HMCN1: variants seen among roughly 807,000 people sequenced by gnomAD.
HMCN1 encodes hemicentin-1.
A neutral mutation model predicts 625.9 loss-of-function variants in HMCN1; 321 were observed. The ratio of observed to expected loss-of-function variants is 0.51; its 90% CI spans 0.47 to 0.56. HMCN1 has a LOEUF of 0.56. Ranked by LOEUF, HMCN1 falls within the 20% of genes least tolerant of loss-of-function variation. The pLI, the probability that HMCN1 is intolerant of heterozygous loss-of-function variation, is 0.00. For missense variants in HMCN1, 6,588 were observed against 6,887.3 expected (o/e 0.96, Z 1.54); for synonymous variants, 2,425 against 2,417.6 (o/e 1.00, Z -0.09).
rs190333171 is a variant in HMCN1 at position 186,164,945 on chromosome 1, G to A, written c.15257-166G>A. 2.5e-3 allele frequency among the ~76,000 whole-genome samples: 384 copies of A among 152,252 alleles called. 4 individuals are homozygous for A. The highest frequency in any genetic ancestry group is 2.0e-3 in the Non-Finnish European group (137 of 68,022). Reference sequence around the variant, plus strand: ...TGGACTGTGATTCATGTACTTCTTGGTTTAGAAACAGGAAAAGTTTTCCAT... The same window carrying A: ...TGGACTGTGATTCATGTACTTCTTGATTTAGAAACAGGAAAAGTTTTCCAT... On this transcript the variant is annotated intron_variant, in intron 97 of 106. Coordinates refer to ENST00000271588, the MANE Select transcript of HMCN1 (RefSeq NM_031935.3).
chr1:186,157,826 A>G (rs1022320951), intron 97 of HMCN1, among the ~76,000 whole-genome samples: 3 of 152,046 alleles, frequency 2.0e-5, no homozygotes, highest in African/African-American at 7.2e-5. Flanking sequence ...ACATTTTCTT[A>G]ATCCAGTCTA....
At chr1:186,187,039 C>T (rs1480172112) in intron 105 of HMCN1, among the ~76,000 whole-genome samples, 1 of 150,874 alleles carries the variant, frequency 6.6e-6, no homozygotes, top group African/African-American at 2.4e-5. Flanking sequence ...CACACACACG[C>T]ATGCAAACAT....
rs1660081798 is a variant in HMCN1 at position 186,095,399 on chromosome 1, T to C, written c.10451T>C (p.Val3484Ala). Residue 3484 changes from valine to alanine, a missense_variant, in exon 68 of 107, where the codon GTC (valine) becomes GCC (alanine). Val to Ala is a moderately conservative substitution (Grantham distance 64). Coordinates refer to ENST00000271588, the MANE Select transcript of HMCN1 (RefSeq NM_031935.3). ...QPLGLDAHLT[V>A]STHGMVLQLL... ...CTGGGGCTTGATGCCCATCTGACAGTCAGCACCCATGGAATGGTCCTGCAG... is the reference window on the plus strand; with the variant it reads ...CTGGGGCTTGATGCCCATCTGACAGCCAGCACCCATGGAATGGTCCTGCAG... 1 of 1,613,620 alleles carries C rather than the reference T, an allele frequency of 6.2e-7. No individual in the cohort carries two copies. The highest frequency in any genetic ancestry group is 1.1e-5 in the South Asian group (1 of 91,082).
intron 1 of HMCN1, among the ~76,000 whole-genome samples, chr1:185,795,386 T>C (rs185741310): frequency 6.6e-6 from 1 of 152,278 alleles, no homozygotes; most frequent in East Asian, 1.9e-4. Flanking sequence ...AAGAGAAACC[T>C]TTTTTTCCCA....
chr1:185,970,620 AT>A (rs1650745536), intron 15 of HMCN1, 127 bp downstream of exon 15: 3 of 795,034 alleles, frequency 3.8e-6, no homozygotes, highest in Non-Finnish European at 6.6e-6. Flanking sequence ...TGCATTTCAG[AT>A]TAATAGAATA....
chr1:185,840,100 CA>C (rs1248867585), intron 1 of HMCN1, among the ~76,000 whole-genome samples: 1 of 152,100 alleles, frequency 6.6e-6, no homozygotes, highest in Non-Finnish European at 1.5e-5. Context: ...AGTCAGGAAA[CA>C]GTTCTGCATT....
intron 11 of HMCN1, 38 bp from the exon 12 acceptor site, chr1:185,962,480 A>G (rs1219047211): frequency 1.9e-6 from 3 of 1,584,786 alleles, no homozygotes; most frequent in Non-Finnish European, 2.6e-6. Context: ...ATCAAGATAA[A>G]TTGGCATTTT....
intron 4 of HMCN1, among the ~76,000 whole-genome samples, chr1:185,903,950 A>C (rs182533925): frequency 1.2e-4 from 18 of 151,960 alleles, no homozygotes; most frequent in Admixed American, 1.1e-3. Flanking sequence ...GGACAAGGGG[A>C]GACTTGCTCC....
At chr1:185,944,164 A>G (rs2102517171) in intron 11 of HMCN1, among the ~76,000 whole-genome samples, 1 of 151,246 alleles carries the variant, frequency 6.6e-6, no homozygotes, top group Admixed American at 6.6e-5. Context: ...GAAAGTGGGA[A>G]AAAAAAAAGA....
chr1:185,983,773 T>C (rs1237459332), intron 18 of HMCN1, among the ~76,000 whole-genome samples: 1 of 152,182 alleles, frequency 6.6e-6, no homozygotes, highest in East Asian at 1.9e-4. Context: ...TGTGCCAAAA[T>C]AAAAATATCA....
chr1:186,101,197 C>G (rs1389747515), intron 68 of HMCN1, among the ~76,000 whole-genome samples: 1 of 151,778 alleles, frequency 6.6e-6, no homozygotes, highest in African/African-American at 2.4e-5. Context: ...GGTATTGTAG[C>G]TCAAATTAGA....
rs1432274581 is a variant in HMCN1 at position 186,119,089 on chromosome 1, C to A, written c.11849-102C>A. 3.9e-5 allele frequency: 32 copies of A among 825,850 alleles called. No homozygotes were observed. In the East Asian group the frequency reaches 7.7e-4, roughly 20 times the overall value. The allele number at this position is 825,850 out of a possible 1,614,324, so 51.2% of individuals were successfully genotyped here. On this transcript the variant is annotated intron_variant, in intron 77 of 106. Transcript: ENST00000271588. ...TACAAGTATGAATATAAGCCAAGCA[C>A]CACCATGCTATTTGCAGAAAACACA...
At chr1:186,107,009 A>G in intron 70 of HMCN1, 44 bp downstream of exon 70, 1 of 1,171,452 alleles carries the variant, frequency 8.5e-7, no homozygotes, top group Non-Finnish European at 1.3e-6. Context: ...ACACACACCT[A>G]ATTAGAAAAC....
intron 33 of HMCN1, 121 bp from the exon 34 acceptor site, chr1:186,018,062 T>C (rs915721162): frequency 3.3e-6 from 3 of 906,374 alleles, no homozygotes; most frequent in Non-Finnish European, 5.2e-6. Flanking sequence ...TCATTTACAA[T>C]TTATTTTACA....
chr1:185,910,734 C>A (rs1374003491), intron 5 of HMCN1, among the ~76,000 whole-genome samples: 1 of 151,960 alleles, frequency 6.6e-6, no homozygotes, highest in Non-Finnish European at 1.5e-5. Flanking sequence ...CCACGCCTGG[C>A]TAATTTTTGT....
chr1:185,923,732 A>G, intron 8 of HMCN1, 79 bp downstream of exon 8: 1 of 1,183,906 alleles, frequency 8.4e-7, no homozygotes, highest in Non-Finnish European at 1.2e-6. Context: ...ATAACGGACT[A>G]TCAAATAAAA....
At chr1:186,045,216 C>A (rs547475882) in intron 40 of HMCN1, among the ~76,000 whole-genome samples, 1 of 152,260 alleles carries the variant, frequency 6.6e-6, no homozygotes, top group East Asian at 1.9e-4. Flanking sequence ...ATGTTTTGCA[C>A]GCTGCGAGAT....
chr1:185,923,469 C>T lies in HMCN1; in HGVS notation c.1101C>T (p.Ile367=), dbSNP rs768534589. Residue 367 remains isoleucine, a synonymous_variant, in exon 8 of 107, where the codon ATC becomes ATT. Coordinates refer to ENST00000271588, the MANE Select transcript of HMCN1 (RefSeq NM_031935.3). ...TAGATCTTCTTGAACTTTTGAGTAT[C>T]TCAGGAAGTTCTCTTAAGACTATTC... ...ARIDLLELLS[I]SGSSLKTIPV... The T allele has an allele frequency of 5.6e-6, 9 of 1,608,920 alleles. No individual in the cohort carries two copies. In the Admixed American group the frequency reaches 1.3e-4, roughly 24 times the overall value.
intron 4 of HMCN1, among the ~76,000 whole-genome samples, chr1:185,883,879 A>ATTTTTTTTTTTTT (rs1205211897): frequency 1.8e-4 from 10 of 55,950 alleles, no homozygotes; most frequent in African/African-American, 1.8e-4. Flanking sequence ...ATAGGTCATG[A>ATTTTTTTTTTTTT]TTTTTTTTTT....
Sources: gnomAD v4.1 joint callset for allele counts (sites outside exome capture counted in the v4.1 genomes callset) on GRCh38, gnomAD v4.1.1 for gene constraint, MANE v1.5 for transcripts, NCBI Gene and HGNC (gene_info 2026-07-23, HGNC 2026-07-21) for gene names.